Variants in NGEF observed in about 807,000 individuals in gnomAD.
NGEF encodes ephexin-1.
NGEF carries 31 observed loss-of-function variants against 80.9 expected under a neutral mutation model. The observed-to-expected ratio is 0.38, with a 90% CI of 0.29 to 0.52. The LOEUF is 0.52. Ranked by LOEUF, NGEF falls within the 20% of genes least tolerant of loss-of-function variation. The probability of loss-of-function intolerance (pLI) is 0.84; values close to 1 mark genes in which losing one functional copy is unlikely to be tolerated. For missense variants in NGEF, 709 were observed against 926.2 expected (o/e 0.77, Z 3.04); for synonymous variants, 371 against 370.2 (o/e 1.00, Z -0.03).
In NGEF at chr2:232,885,341, C is replaced by T. The variant is rs765456476; in HGVS notation, c.1376G>A (p.Arg459Lys). 2 of 1,614,180 alleles carry T rather than the reference C, an allele frequency of 1.2e-6. No individual in the cohort carries two copies. Among genetic ancestry groups the T allele is most frequent in the Non-Finnish European group, 1.7e-6 (2 of 1,180,040 alleles). The change falls in exon 10 of 15, where the codon AGG (arginine) becomes AAG (lysine). Residue 459 changes from arginine (R) to lysine (K), a missense_variant. Arg to Lys is a conservative substitution (Grantham distance 26). Coordinates refer to ENST00000264051, the MANE Select transcript of NGEF (RefSeq NM_019850.3). The part of the protein sequence containing the change: ...MVVKACNEGV[R>K]KMSRTEQMIS... ...CATCTGTTCCGTGCGGCTCATTTTC[C>T]TGACGCCCTCGTTGCATGCCTTCAC...
At chr2:232,903,948 A>T (rs776522508) in intron 5 of NGEF, among the ~76,000 whole-genome samples, 1 of 152,244 alleles carries the variant, frequency 6.6e-6, no homozygotes, top group Non-Finnish European at 1.5e-5. Flanking sequence ...GAAAACAACA[A>T]AAATACAACT....
Position 232,995,429 on chromosome 2 carries a change from C to CTG in NGEF, c.-75+17637_-75+17638dup, listed in dbSNP as rs1553560008. 1.8e-4 allele frequency among the ~76,000 whole-genome samples: 2 copies of CTG among 10,994 alleles called. 1 individual carries two copies. Among genetic ancestry groups the CTG allele is most frequent in the Non-Finnish European group, 3.0e-4 (2 of 6,656 alleles). 7.2% of individuals were successfully genotyped at this position (10,994 alleles called of 152,430 possible). On this transcript the variant is annotated intron_variant, in intron 1 of 14. Coordinates refer to ENST00000264051, the MANE Select transcript of NGEF (RefSeq NM_019850.3). ...ATATACACAGTATGTATACTGTATA[C>CTG]TGTATATATATACACAGTATGTATA... is the stretch of plus-strand genomic sequence containing the variant.
chr2:232,897,189 C>T (rs1290530988), intron 5 of NGEF, among the ~76,000 whole-genome samples: 1 of 151,514 alleles, frequency 6.6e-6, no homozygotes, highest in East Asian at 2.0e-4. Flanking sequence ...TGCCTCACTC[C>T]TTTTAGGGCC....
intron 5 of NGEF, among the ~76,000 whole-genome samples, chr2:232,911,567 C>T (rs527659237): frequency 2.6e-5 from 4 of 152,152 alleles, no homozygotes; most frequent in South Asian, 2.1e-4. Context: ...TGACTGGAGT[C>T]GCATGGAATG....
chr2:232,882,387 A>G (rs1312216370), intron 12 of NGEF, 122 bp from the exon 13 acceptor site: 2 of 868,564 alleles, frequency 2.3e-6, no homozygotes, highest in Non-Finnish European at 3.7e-6. Flanking sequence ...GCACCGCTCA[A>G]GCCCACCCCA....
At chr2:232,897,784 C>T (rs1692146641) in intron 5 of NGEF, among the ~76,000 whole-genome samples, 1 of 152,112 alleles carries the variant, frequency 6.6e-6, no homozygotes, top group South Asian at 2.1e-4. Context: ...CGTGGCCATC[C>T]CCACGTCGCA....
intron 12 of NGEF, among the ~76,000 whole-genome samples, chr2:232,883,072 CACACACACACG>C (rs1691563622): frequency 6.6e-6 from 1 of 151,778 alleles, no homozygotes; most frequent in South Asian, 2.1e-4. Context: ...CACACACACA[CACACACACACG>C]CACACACGCA....
chr2:232,946,062 G>GAT (rs71398758), intron 3 of NGEF, among the ~76,000 whole-genome samples: 69,060 of 146,970 alleles, frequency 0.47, 16,963 homozygotes, highest in South Asian at 0.6. Context: ...ATATATATCT[G>GAT]ATATATATAT....
intron 4 of NGEF, among the ~76,000 whole-genome samples, chr2:232,924,423 T>A (rs960910003): frequency 2.6e-5 from 4 of 152,014 alleles, no homozygotes. Flanking sequence ...CTGTAAGAAA[T>A]AAACTTCTGT....
intron 2 of NGEF, among the ~76,000 whole-genome samples, chr2:232,973,516 C>G (rs1335332986): frequency 1.3e-5 from 2 of 152,224 alleles, no homozygotes; most frequent in East Asian, 3.9e-4. Context: ...TATGCAAGGT[C>G]TGAGTCTCCG....
chr2:232,948,925 G>A (rs1482630209), intron 3 of NGEF, among the ~76,000 whole-genome samples: 3 of 152,122 alleles, frequency 2.0e-5, no homozygotes, highest in Non-Finnish European at 4.4e-5. Flanking sequence ...GGCTGAGGCA[G>A]GAGAATCGCT....
At chr2:232,952,958 TGA>T (rs1440103493) in intron 3 of NGEF, among the ~76,000 whole-genome samples, 1 of 94,688 alleles carries the variant, frequency 1.1e-5, no homozygotes, top group Admixed American at 1.7e-4. Context: ...CAGACAAGAG[TGA>T]GACAGCCCTC....
chr2:232,909,727 C>A (rs1321817166), intron 5 of NGEF, among the ~76,000 whole-genome samples: 1 of 152,132 alleles, frequency 6.6e-6, no homozygotes, highest in Non-Finnish European at 1.5e-5. Flanking sequence ...CCACGCTCCC[C>A]CCACACCTAA....
chr2:232,996,200 C>A (rs1041812234), intron 1 of NGEF, among the ~76,000 whole-genome samples: 1 of 152,050 alleles, frequency 6.6e-6, no homozygotes, highest in Non-Finnish European at 1.5e-5. Flanking sequence ...TGGTAGCACA[C>A]ATCTGTAATT....
chr2:233,001,627 G>A (rs1694980485), intron 1 of NGEF, among the ~76,000 whole-genome samples: 1 of 152,234 alleles, frequency 6.6e-6, no homozygotes, highest in East Asian at 1.9e-4. Flanking sequence ...GGATTTCTAT[G>A]CTGGCTTGGG....
intron 5 of NGEF, among the ~76,000 whole-genome samples, chr2:232,908,992 G>GT (rs920855059): frequency 1.2e-4 from 18 of 152,064 alleles, no homozygotes; most frequent in African/African-American, 3.9e-4. Flanking sequence ...ATTCTCTCGG[G>GT]TTTTTTAAGT....
intron 5 of NGEF, among the ~76,000 whole-genome samples, chr2:232,917,343 AATAG>A (rs1692825255): frequency 6.6e-6 from 1 of 152,266 alleles, no homozygotes; most frequent in Admixed American, 6.5e-5. Context: ...GGAGAGATAA[AATAG>A]ATAAAGCTGG....
chr2:232,988,082 T>TGTGTGA (rs1694574381), intron 1 of NGEF, among the ~76,000 whole-genome samples: 14 of 147,418 alleles, frequency 9.5e-5, no homozygotes, highest in Admixed American at 6.8e-4. Flanking sequence ...TGTGTGTGTG[T>TGTGTGA]GAGTGACAAT....
At chr2:232,928,126 C>A in intron 3 of NGEF, 1 of 1,001,530 alleles carries the variant, frequency 1.0e-6, no homozygotes, top group Non-Finnish European at 1.2e-6. Flanking sequence ...GGAGCTGCAG[C>A]CGCCGCCGCC....
Sources: gnomAD v4.1 joint callset for allele counts (sites outside exome capture counted in the v4.1 genomes callset) on GRCh38, gnomAD v4.1.1 for gene constraint, MANE v1.5 for transcripts, NCBI Gene and HGNC (gene_info 2026-07-23, HGNC 2026-07-21) for gene names.